Variants in SEMA5B observed in about 807,000 individuals in gnomAD.
SEMA5B encodes semaphorin-5B.
Under a neutral mutation model 135.0 loss-of-function variants are expected in SEMA5B, and 66 were observed. The observed-to-expected ratio is 0.49, with a 90% CI of 0.40 to 0.60. SEMA5B has a LOEUF of 0.60. Among genes scored for constraint, SEMA5B ranks in the 20% least tolerant of loss-of-function variants. The pLI is 0.00. For synonymous variants in SEMA5B, 690 were observed against 639.5 expected (o/e 1.08, Z -1.19); for missense variants, 1,501 against 1,566.3 (o/e 0.96, Z 0.70).
At chr3:122,956,317 A>G (rs1940300900) in intron 2 of SEMA5B, among the ~76,000 whole-genome samples, 1 of 152,214 alleles carries the variant, frequency 6.6e-6, no homozygotes, top group Non-Finnish European at 1.5e-5. Context: ...GTGTGAATGC[A>G]CGCGCATGTG....
At chr3:122,999,857 A>G (rs1453347979) in intron 1 of SEMA5B, among the ~76,000 whole-genome samples, 1 of 152,186 alleles carries the variant, frequency 6.6e-6, no homozygotes. Context: ...AACATCCACA[A>G]CAGCTATGGG....
intron 1 of SEMA5B, among the ~76,000 whole-genome samples, chr3:122,988,116 C>T (rs1204551074): frequency 6.6e-6 from 1 of 152,108 alleles, no homozygotes; most frequent in Non-Finnish European, 1.5e-5. Flanking sequence ...CCTGATTCTC[C>T]CTCTGGGGTG....
intron 1 of SEMA5B, among the ~76,000 whole-genome samples, chr3:123,003,062 C>T (rs559032819): frequency 7.9e-5 from 12 of 152,006 alleles, no homozygotes; most frequent in African/African-American, 1.9e-4. Context: ...GGGGAAAGCA[C>T]GCTGCAGACA....
chr3:122,930,383 C>G (rs1166739629), intron 5 of SEMA5B, among the ~76,000 whole-genome samples: 1 of 152,250 alleles, frequency 6.6e-6, no homozygotes, highest in Non-Finnish European at 1.5e-5. Context: ...AATCTGGCCA[C>G]AGAGCCACGG....
chr3:122,923,865 G>A lies in SEMA5B; in HGVS notation c.1137-113C>T, dbSNP rs1938496086. ...TTCCCAAGGCTCTGTAAGCATCTATGATGTGTCTGGCACATGGGGGGATCT... is the reference window on the plus strand; with the variant it reads ...TTCCCAAGGCTCTGTAAGCATCTATAATGTGTCTGGCACATGGGGGGATCT... On this transcript the variant is annotated intron_variant, in intron 9 of 22. Coordinates refer to ENST00000357599, the MANE Select transcript of SEMA5B (RefSeq NM_001031702.4). The A allele has an allele frequency of 2.8e-5, 34 of 1,211,430 alleles. No homozygotes were observed. In the South Asian group the frequency reaches 4.4e-4, roughly 16 times the overall value. The allele number at this position is 1,211,430 out of a possible 1,614,324, so 75.0% of individuals were successfully genotyped here. A position where few individuals can be genotyped will look rare whatever the true frequency, so the allele number is the denominator to read the frequency against.
intron 1 of SEMA5B, among the ~76,000 whole-genome samples, chr3:123,023,994 G>A (rs1049803935): frequency 3.9e-5 from 6 of 152,174 alleles, no homozygotes; most frequent in Admixed American, 3.9e-4. Context: ...ATAGGTGGTG[G>A]GGCACCAGAA....
intron 11 of SEMA5B, 27 bp downstream of exon 11, chr3:122,922,213 A>T (rs1285779915): frequency 6.3e-7 from 1 of 1,593,470 alleles, no homozygotes; most frequent in Non-Finnish European, 8.6e-7. Context: ...CCCGACCTGC[A>T]GTCCAGGTTG....
chr3:122,922,022 G>A lies in SEMA5B; in HGVS notation c.1581C>T (p.Pro527=). ...LHVLPPGRRE[P]LRSLRILHSA... ...TGTGCAGGATGCGCAGGCTGCGCAG[G>A]GGCTCGCGGCGCCCGGGGGGCAGCA... is the stretch of plus-strand genomic sequence containing the variant. Residue 527 remains proline (P), a synonymous_variant, in exon 12 of 23, where the codon CCC becomes CCT. Coordinates refer to ENST00000357599, the MANE Select transcript of SEMA5B (RefSeq NM_001031702.4). 6.6e-7 allele frequency: 1 copy of A among 1,508,266 alleles called. No individual in the cohort carries two copies. Among genetic ancestry groups the A allele is most frequent in the Non-Finnish European group, 8.8e-7 (1 of 1,131,752 alleles). 93.4% of individuals were successfully genotyped at this position (1,508,266 alleles called of 1,614,324 possible). A position where few individuals can be genotyped will look rare whatever the true frequency, so the allele number is the denominator to read the frequency against.
intron 5 of SEMA5B, among the ~76,000 whole-genome samples, chr3:122,935,991 C>A (rs998785900): frequency 1.3e-5 from 2 of 152,174 alleles, no homozygotes; most frequent in Admixed American, 6.5e-5. Flanking sequence ...CTGTGCCCAG[C>A]CTCTATCCGC....
intron 1 of SEMA5B, among the ~76,000 whole-genome samples, chr3:122,999,048 G>A (rs754828423): frequency 3.3e-5 from 5 of 152,090 alleles, no homozygotes; most frequent in East Asian, 1.9e-4. Context: ...TGATGGAGTC[G>A]GAGCTAGAAA....
intron 1 of SEMA5B, among the ~76,000 whole-genome samples, chr3:123,005,699 A>G (rs149401494): frequency 6.6e-6 from 1 of 152,186 alleles, no homozygotes; most frequent in Admixed American, 6.5e-5. Flanking sequence ...ACTTCCAGGG[A>G]TGAAAGAGTG....
At chr3:122,980,991 A>G (rs1174500489) in intron 1 of SEMA5B, among the ~76,000 whole-genome samples, 1 of 152,202 alleles carries the variant, frequency 6.6e-6, no homozygotes, top group Non-Finnish European at 1.5e-5. Context: ...ATGTATCCTT[A>G]AATTATTTTT....
At chr3:123,016,267 T>C (rs1293036537) in intron 1 of SEMA5B, among the ~76,000 whole-genome samples, 2 of 152,160 alleles carry the variant, frequency 1.3e-5, no homozygotes, top group African/African-American at 2.4e-5. Flanking sequence ...CAGTATTCTG[T>C]AGGAAAGGCA....
At chr3:122,995,734 C>T (rs1317265711) in intron 1 of SEMA5B, among the ~76,000 whole-genome samples, 1 of 152,300 alleles carries the variant, frequency 6.6e-6, no homozygotes, top group East Asian at 1.9e-4. Context: ...CCTATTCTGC[C>T]AACAATTGGC....
intron 1 of SEMA5B, among the ~76,000 whole-genome samples, chr3:122,966,375 T>G (rs1161838902): frequency 6.6e-6 from 1 of 152,116 alleles, no homozygotes; most frequent in Non-Finnish European, 1.5e-5. Flanking sequence ...GAGCCCCTCC[T>G]AAAAAGAATA....
chr3:122,923,838 A>G, intron 9 of SEMA5B, 86 bp from the exon 10 acceptor site: 2 of 1,479,418 alleles, frequency 1.4e-6, no homozygotes, highest in Non-Finnish European at 1.9e-6. Flanking sequence ...TGTCATGTCC[A>G]ATTCCCAAGG....
chr3:122,925,607 T>TTGC (rs1239684774), intron 9 of SEMA5B, among the ~76,000 whole-genome samples: 5 of 151,744 alleles, frequency 3.3e-5, no homozygotes, highest in Admixed American at 2.0e-4. Flanking sequence ...GAGGCAGAGG[T>TTGC]TGCAGTGAGC....
Position 122,928,846 on chromosome 3 carries a change from T to G in SEMA5B, c.537+150A>C, listed in dbSNP as rs968917750. On this transcript the variant is annotated intron_variant, in intron 6 of 22. Coordinates refer to ENST00000357599, the MANE Select transcript of SEMA5B (RefSeq NM_001031702.4). ...GCTCAGGACCAGCTCGCCACAGGGC[T>G]GTTATCCTCACCTGCCCAAGGAGCC... 1.6e-4 allele frequency: 125 copies of G among 791,854 alleles called. 1 individual carries two copies. The highest frequency in any genetic ancestry group is 2.4e-4 in the Non-Finnish European group (119 of 494,618). The allele number at this position is 791,854 out of a possible 1,614,324, so 49.1% of individuals were successfully genotyped here.
rs1166826128 is a variant in SEMA5B, at chr3:122,983,708, A to G, written c.-38-22407T>C. Among the ~76,000 whole-genome samples the G allele has an allele frequency of 2.5e-5, 2 of 80,438 alleles. 1 individual carries two copies. The highest frequency in any genetic ancestry group is 1.9e-4 in the African/African-American group (2 of 10,392). The allele number at this position is 80,438 out of a possible 152,430, so 52.8% of individuals were successfully genotyped here. On this transcript the variant is annotated intron_variant, in intron 1 of 22. Coordinates refer to ENST00000357599, the MANE Select transcript of SEMA5B (RefSeq NM_001031702.4). ...ACTCCAGCCTGGGCGACAGAGCGAG[A>G]CTCGTCTCAAAAAAAAAAAAAAAAA...
Sources: allele counts gnomAD v4.1 joint callset (sites outside exome capture counted in the v4.1 genomes callset), GRCh38; gene constraint gnomAD v4.1.1; transcripts MANE v1.5; gene names NCBI Gene and HGNC (gene_info 2026-07-23, HGNC 2026-07-21).